The following TCEANC2 variants were observed in gnomAD, a reference collection of about 807,000 sequenced individuals.
TCEANC2 encodes the protein transcription elongation factor A N-terminal and central domain-containing protein 2.
A neutral mutation model predicts 22.8 loss-of-function variants in TCEANC2; 20 were observed. The ratio of observed to expected loss-of-function variants is 0.88; its 90% CI spans 0.62 to 1.28. The LOEUF (loss-of-function observed/expected upper bound fraction) is 1.28, where lower values mean the gene tolerates loss of function less well. Ranked by LOEUF, TCEANC2 falls within the 50% of genes most tolerant of loss-of-function variation. TCEANC2 has a pLI of 0.00. For missense variants in TCEANC2, 251 were observed against 249.7 expected (o/e 1.01, Z -0.03); for synonymous variants, 84 against 95.5 (o/e 0.88, Z 0.70).
chr1:54,064,943 G>A (rs1044949461), intron 2 of TCEANC2, among the ~76,000 whole-genome samples: 4 of 151,986 alleles, frequency 2.6e-5, no homozygotes, highest in African/African-American at 7.2e-5. Context: ...CAAGTGATCC[G>A]CCTGCTTTGG....
At chr1:54,075,103 T>TATTC (rs1011591605) in intron 3 of TCEANC2, among the ~76,000 whole-genome samples, 1 of 152,230 alleles carries the variant, frequency 6.6e-6, no homozygotes, top group Non-Finnish European at 1.5e-5. Context: ...ATAGAATCTA[T>TATTC]ATTCATTCAT....
At chr1:54,108,506 C>T (rs961810934), downstream of TCEANC2, among the ~76,000 whole-genome samples, 58 of 152,288 alleles carry the variant, frequency 3.8e-4, no homozygotes, top group African/African-American at 1.3e-3. Context: ...AGAATGTGGC[C>T]ACCTACAAGC....
intron 2 of TCEANC2, among the ~76,000 whole-genome samples, chr1:54,063,268 C>T (rs936434538): frequency 1.2e-4 from 18 of 152,144 alleles, no homozygotes; most frequent in Admixed American, 1.1e-3. Context: ...AAAATTCCAT[C>T]CACTGGTCCA....
chr1:54,086,362 G>C (rs866412419), intron 3 of TCEANC2, among the ~76,000 whole-genome samples: 1 of 152,148 alleles, frequency 6.6e-6, no homozygotes, highest in African/African-American at 2.4e-5. Flanking sequence ...GAAGCGCAAG[G>C]TGCTAAGGAA....
chr1:54,075,991 G>A (rs56278402), intron 3 of TCEANC2, among the ~76,000 whole-genome samples: 5,471 of 150,618 alleles, frequency 0.036, 258 homozygotes, highest in East Asian at 0.2. Context: ...TCATGCCACC[G>A]CACTCCAGCT....
chr1:54,108,854 C>T (rs1658798505), downstream of TCEANC2, among the ~76,000 whole-genome samples: 1 of 152,058 alleles, frequency 6.6e-6, no homozygotes, highest in Non-Finnish European at 1.5e-5. Flanking sequence ...CGCCTGTAGT[C>T]CCAGCTACTC....
rs4492560 is a variant in TCEANC2 at position 54,102,815 on chromosome 1, G to A, written c.*6342G>A. The A allele has an allele frequency of 0.56, 85,712 of 152,320 alleles. 26,830 individuals carry two copies. The highest frequency in any genetic ancestry group is 0.84 in the African/African-American group (34,915 of 41,550). The allele number at this position is 152,320 out of a possible 1,614,324, so 9.4% of individuals were successfully genotyped here. On this transcript the variant is annotated 3_prime_UTR_variant, in exon 5 of 5. Transcript: ENST00000234827. ...AAAAAAAGACCGTGGCTGCACTGCA[G>A]CCCCACACAGGGGCATCCTTGAAAG...
In TCEANC2 at chr1:54,095,870, C is replaced by T. The variant is rs550569307; in HGVS notation, c.439-415C>T. On this transcript the variant is annotated intron_variant, in intron 4 of 4. Transcript: ENST00000234827. ...AAAGTGATTTTTGAACTGTTCTGTACACATATTAGGATCTAGACCCCATGT... is the reference window on the plus strand; with the variant it reads ...AAAGTGATTTTTGAACTGTTCTGTATACATATTAGGATCTAGACCCCATGT... Among the ~76,000 whole-genome samples the T allele has an allele frequency of 2.6e-5, 4 of 152,218 alleles. 1 individual carries two copies. The highest frequency in any genetic ancestry group is 9.6e-5 in the African/African-American group (4 of 41,536).
At chr1:54,111,715 A>T (rs1658843736) in exon 5 of TCEANC2, 1 of 152,230 alleles carries the variant, frequency 6.6e-6, no homozygotes, top group Non-Finnish European at 1.5e-5. Flanking sequence ...TCATTTGGCA[A>T]ATGAAAAGCT....
rs189010365 is a variant in TCEANC2 at position 54,060,133 on chromosome 1, C to T, written c.102+5609C>T. On this transcript the variant is annotated intron_variant, in intron 2 of 4. Coordinates refer to ENST00000234827, the MANE Select transcript of TCEANC2 (RefSeq NM_153035.3). ...TTACCAAAAAAAATTAGCAGCCAGGCGCAGTGGCTCACACCTGTAATCCCA... is the reference window on the plus strand; with the variant it reads ...TTACCAAAAAAAATTAGCAGCCAGGTGCAGTGGCTCACACCTGTAATCCCA... Among the ~76,000 whole-genome samples, 79 of 151,932 alleles carry T rather than the reference C, an allele frequency of 5.2e-4. 1 individual carries two copies. In the East Asian group the frequency reaches 7.8e-3, roughly 15 times the overall value.
At chr1:54,055,912 T>C (rs1423992255) in intron 2 of TCEANC2, among the ~76,000 whole-genome samples, 1 of 152,196 alleles carries the variant, frequency 6.6e-6, no homozygotes, top group East Asian at 1.9e-4. Context: ...GGTGCTATTG[T>C]TGTATGGGGC....
At chr1:54,087,545 T>A (rs913736193) in intron 3 of TCEANC2, among the ~76,000 whole-genome samples, 2 of 152,252 alleles carry the variant, frequency 1.3e-5, no homozygotes, top group East Asian at 3.8e-4. Context: ...CACAGTGCCA[T>A]TCTTATTGTG....
rs1336082984 is a variant in TCEANC2, at chr1:54,103,930, G to A, written c.*7457G>A. 2 of 152,186 alleles carry A rather than the reference G, an allele frequency of 1.3e-5. No homozygotes were observed. The highest frequency in any genetic ancestry group is 2.9e-5 in the Non-Finnish European group (2 of 68,052). 9.4% of individuals were successfully genotyped at this position (152,186 alleles called of 1,614,324 possible). ...CTATAGATTATGGGATAGTCATACA[G>A]GATCCCATATGATTCCACAGCAAAG... On this transcript the variant is annotated 3_prime_UTR_variant, in exon 5 of 5. Coordinates refer to ENST00000234827, the MANE Select transcript of TCEANC2 (RefSeq NM_153035.3).
chr1:54,067,518 G>C (rs1657980252), intron 2 of TCEANC2, among the ~76,000 whole-genome samples: 1 of 152,210 alleles, frequency 6.6e-6, no homozygotes, highest in Non-Finnish European at 1.5e-5. Flanking sequence ...GATTAGCATA[G>C]TATCACTATG....
intron 3 of TCEANC2, among the ~76,000 whole-genome samples, chr1:54,081,636 C>T (rs1658246952): frequency 6.6e-6 from 1 of 152,024 alleles, no homozygotes; most frequent in Admixed American, 6.6e-5. Context: ...TTCCCAGACT[C>T]CTTCTCTTTC....
chr1:54,059,689 A>C (rs527246810), intron 2 of TCEANC2, among the ~76,000 whole-genome samples: 4 of 152,164 alleles, frequency 2.6e-5, no homozygotes, highest in African/African-American at 7.2e-5. Flanking sequence ...CCAATCCACT[A>C]TGAATTCCTG....
At chr1:54,064,611 G>T (rs1156456851) in intron 2 of TCEANC2, among the ~76,000 whole-genome samples, 2 of 151,922 alleles carry the variant, frequency 1.3e-5, no homozygotes, top group African/African-American at 4.8e-5. Flanking sequence ...GTTCCAGGAG[G>T]CTGAAATGAA....
chr1:54,106,723 G>A (rs1168066366), downstream of TCEANC2, among the ~76,000 whole-genome samples: 3 of 151,144 alleles, frequency 2.0e-5, no homozygotes, highest in African/African-American at 7.3e-5. Flanking sequence ...ATTTATGTAA[G>A]GGAAAAAAAC....
intron 2 of TCEANC2, among the ~76,000 whole-genome samples, chr1:54,055,345 A>G (rs1384434526): frequency 6.6e-6 from 1 of 152,268 alleles, no homozygotes; most frequent in Non-Finnish European, 1.5e-5. Flanking sequence ...GAGTAGATAC[A>G]ATGTATCAAT....
Sources: gnomAD v4.1 joint callset for allele counts (sites outside exome capture counted in the v4.1 genomes callset) on GRCh38, gnomAD v4.1.1 for gene constraint, MANE v1.5 for transcripts, NCBI Gene and HGNC (gene_info 2026-07-23, HGNC 2026-07-21) for gene names.